PHACTR4: variants seen among roughly 807,000 people sequenced by gnomAD.
The protein encoded by PHACTR4 is phosphatase and actin regulator 4, also known as protein phosphatase 1, regulatory subunit 124.
Under a neutral mutation model 72.7 loss-of-function variants are expected in PHACTR4, and 51 were observed. That is an observed-to-expected ratio of 0.70 (90% CI 0.56 to 0.89). The LOEUF (loss-of-function observed/expected upper bound fraction) is 0.89, where lower values mean the gene tolerates loss of function less well. PHACTR4 is among the 40% of genes least tolerant of loss of function. PHACTR4 has a pLI of 0.00. For synonymous variants in PHACTR4, 255 were observed against 302.5 expected (o/e 0.84, Z 1.63); for missense variants, 731 against 861.8 (o/e 0.85, Z 1.90).
intron 2 of PHACTR4, among the ~76,000 whole-genome samples, chr1:28,434,398 T>A (rs969733010): frequency 6.6e-6 from 1 of 151,826 alleles, no homozygotes; most frequent in Non-Finnish European, 1.5e-5. Flanking sequence ...CTTGGCTCAC[T>A]GCAACCTCTG....
chr1:28,403,466 G>A (rs569839262), intron 1 of PHACTR4, among the ~76,000 whole-genome samples: 1 of 152,280 alleles, frequency 6.6e-6, no homozygotes, highest in Admixed American at 6.5e-5. Flanking sequence ...CCCAACAGCA[G>A]TCCTGTCATT....
In PHACTR4 at chr1:28,409,951, A is replaced by ATTTTTTTTTTTTT. The variant is rs57186471; in HGVS notation, c.16+2510_16+2522dup. On this transcript the variant is annotated intron_variant, in intron 2 of 13. Transcript: ENST00000373839. Reference sequence around the variant, plus strand: ...GAGGGCAGTCTGTACTTCTTCATAAATTTTTTTTTTTTTTTTTTTTTTTTT... The same window carrying ATTTTTTTTTTTTT: ...GAGGGCAGTCTGTACTTCTTCATAAATTTTTTTTTTTTTTTTTTTTTTTTTTTTTTTTTTTTTT... Among the ~76,000 whole-genome samples, 20 of 66,364 alleles carry ATTTTTTTTTTTTT rather than the reference A, an allele frequency of 3.0e-4. 1 individual carries two copies. The highest frequency in any genetic ancestry group is 9.6e-4 in the African/African-American group (15 of 15,674). The allele number at this position is 66,364 out of a possible 152,430, so 43.5% of individuals were successfully genotyped here.
chr1:28,451,263 T>C (rs371389056), intron 2 of PHACTR4, among the ~76,000 whole-genome samples: 1 of 152,090 alleles, frequency 6.6e-6, no homozygotes, highest in African/African-American at 2.4e-5. Context: ...CTACTCTTTG[T>C]TCTGTAATGT....
At chr1:28,443,360 C>A (rs1406234487) in intron 2 of PHACTR4, among the ~76,000 whole-genome samples, 1 of 152,074 alleles carries the variant, frequency 6.6e-6, no homozygotes, top group Non-Finnish European at 1.5e-5. Flanking sequence ...CGGCTCACTG[C>A]AACCTCCACC....
At chr1:28,396,818 C>G (rs1653538812) in intron 1 of PHACTR4, among the ~76,000 whole-genome samples, 1 of 149,306 alleles carries the variant, frequency 6.7e-6, no homozygotes, top group Non-Finnish European at 1.5e-5. Flanking sequence ...ACCACCACGC[C>G]CGGCTAATTT....
chr1:28,453,725 C>T, intron 2 of PHACTR4: 1 of 1,189,272 alleles, frequency 8.4e-7, no homozygotes. Context: ...TGAGGTTCTT[C>T]AGTTAGATCC....
intron 2 of PHACTR4, among the ~76,000 whole-genome samples, chr1:28,416,852 C>G (rs1365394175): frequency 6.6e-6 from 1 of 152,066 alleles, no homozygotes; most frequent in East Asian, 1.9e-4. Flanking sequence ...TTTTATAGTT[C>G]ATAATTTTTG....
intron 11 of PHACTR4, among the ~76,000 whole-genome samples, chr1:28,491,363 T>TA (rs1661025520): frequency 6.6e-6 from 1 of 151,244 alleles, no homozygotes; most frequent in Non-Finnish European, 1.5e-5. Context: ...GAGGCTGAGG[T>TA]AGGAGGATCA....
chr1:28,387,153 C>T (rs1326435946), intron 1 of PHACTR4, among the ~76,000 whole-genome samples: 2 of 150,502 alleles, frequency 1.3e-5, no homozygotes, highest in South Asian at 2.1e-4. Context: ...CCCAGCTACT[C>T]GGGAGGCTGA....
chr1:28,469,123 T>C (rs1659402766), intron 6 of PHACTR4, among the ~76,000 whole-genome samples: 1 of 152,200 alleles, frequency 6.6e-6, no homozygotes, highest in South Asian at 2.1e-4. Flanking sequence ...TATTCTAAAA[T>C]TACAACCTTC....
chr1:28,498,539 C>G lies in PHACTR4; in HGVS notation c.*1990C>G, dbSNP rs937453168. 2.2e-4 allele frequency: 34 copies of G among 152,292 alleles called. No homozygotes were observed. Among genetic ancestry groups the G allele is most frequent in the African/African-American group, 7.9e-4 (33 of 41,560 alleles). The allele number at this position is 152,292 out of a possible 1,614,324, so 9.4% of individuals were successfully genotyped here. The stretch of plus-strand genomic sequence containing the variant: ...TTGTATTGAAAACCATACAGTCTCA[C>G]TGTTTTGCTTTAATTCCTATCCACA... On this transcript the variant is annotated 3_prime_UTR_variant, in exon 14 of 14. Coordinates refer to ENST00000373839, the MANE Select transcript of PHACTR4 (RefSeq NM_001048183.3).
At chr1:28,396,444 T>C (rs527264424) in intron 1 of PHACTR4, among the ~76,000 whole-genome samples, 23 of 151,484 alleles carry the variant, frequency 1.5e-4, no homozygotes, top group African/African-American at 5.1e-4. Flanking sequence ...GTCGGAAGAA[T>C]CACTTGAACC....
At chr1:28,469,533 C>T (rs766625507) in intron 6 of PHACTR4, among the ~76,000 whole-genome samples, 1 of 152,140 alleles carries the variant, frequency 6.6e-6, no homozygotes, top group Non-Finnish European at 1.5e-5. Flanking sequence ...TATATGCCTT[C>T]CTCAAATTAC....
intron 2 of PHACTR4, among the ~76,000 whole-genome samples, chr1:28,426,349 C>A (rs1167100071): frequency 5.9e-5 from 9 of 152,002 alleles, no homozygotes; most frequent in Admixed American, 2.6e-4. Flanking sequence ...AAACAGATAA[C>A]ACATGCTGAT....
At chr1:28,451,647 A>G (rs371265001) in intron 2 of PHACTR4, among the ~76,000 whole-genome samples, 4 of 148,164 alleles carry the variant, frequency 2.7e-5, no homozygotes, top group African/African-American at 1.0e-4. Context: ...GCACTTATGC[A>G]TTAATTTTTT....
At chr1:28,487,191 G>A (rs561202104) in intron 9 of PHACTR4, among the ~76,000 whole-genome samples, 1 of 151,520 alleles carries the variant, frequency 6.6e-6, no homozygotes, top group Admixed American at 6.6e-5. Flanking sequence ...ACGGTGAAAC[G>A]CCATCTCTAC....
chr1:28,482,433 C>A (rs1660338362), intron 9 of PHACTR4, among the ~76,000 whole-genome samples: 1 of 151,984 alleles, frequency 6.6e-6, no homozygotes, highest in South Asian at 2.1e-4. Context: ...TCAACTGGAA[C>A]CAAAAGTATA....
At chr1:28,440,177 C>G (rs1656904963) in intron 2 of PHACTR4, among the ~76,000 whole-genome samples, 1 of 151,094 alleles carries the variant, frequency 6.6e-6, no homozygotes, top group African/African-American at 2.4e-5. Context: ...TGGCGGGCGC[C>G]TGTAGCCCCA....
intron 1 of PHACTR4, among the ~76,000 whole-genome samples, chr1:28,375,788 G>A (rs1273816332): frequency 6.6e-6 from 1 of 152,138 alleles, no homozygotes; most frequent in African/African-American, 2.4e-5. Flanking sequence ...TTTCACAATC[G>A]GCCAGGCGCG....
Sources: allele counts gnomAD v4.1 joint callset (sites outside exome capture counted in the v4.1 genomes callset), GRCh38; gene constraint gnomAD v4.1.1; transcripts MANE v1.5; gene names NCBI Gene and HGNC (gene_info 2026-07-23, HGNC 2026-07-21).